Variants in SF1 observed in about 807,000 individuals in gnomAD.
SF1 encodes branch point-binding protein.
Under a neutral mutation model 62.5 loss-of-function variants are expected in SF1, and 7 were observed. The ratio of observed to expected loss-of-function variants is 0.11; its 90% CI spans 0.06 to 0.21. The LOEUF (loss-of-function observed/expected upper bound fraction) is 0.21. Ranked by LOEUF, SF1 falls within the 10% of genes least tolerant of loss-of-function variation. The pLI, the probability that SF1 is intolerant of heterozygous loss-of-function variation, is 1.00. For synonymous variants in SF1, 394 were observed against 323.6 expected (o/e 1.22, Z -2.33); for missense variants, 578 against 884.0 (o/e 0.65, Z 4.39).
At position 64,768,119 on chromosome 11, in the gene SF1, T is replaced by G; in HGVS notation, c.1055A>C (p.Asn352Thr). 1 of 1,609,490 alleles carries G rather than the reference T, an allele frequency of 6.2e-7. No homozygotes were observed. Reference sequence around the variant, plus strand: ...CCCCAGGCTCACCGGTGGAGGTGGGTTGTTGGCGGGAGCAGCAGGACGAGG... The same window carrying G: ...CCCCAGGCTCACCGGTGGAGGTGGGGTGTTGGCGGGAGCAGCAGGACGAGG... ...SAPRPAAPAN[N>T]PPPPSLMSTT... The change falls in exon 9 of 13, where the codon AAC (asparagine) becomes ACC (threonine). Residue 352 changes from asparagine to threonine, a missense_variant. Asn to Thr is a moderately conservative substitution (Grantham distance 65). This residue lies in a region of SF1 where 410 missense variants were observed against 452.4 expected (regional missense o/e 0.91). Coordinates refer to ENST00000377390, the MANE Select transcript of SF1 (RefSeq NM_004630.4).
intron 10 of SF1, 126 bp from the exon 11 acceptor site, chr11:64,767,377 T>C: frequency 9.1e-7 from 1 of 1,101,544 alleles, no homozygotes; most frequent in Non-Finnish European, 1.4e-6. Flanking sequence ...AAGGCAGGTC[T>C]GTGCTTACCC....
At position 64,770,354 on chromosome 11, in the gene SF1, T is replaced by G. The variant is rs1301079620; in HGVS notation, c.291A>C (p.Arg97=). 6.2e-7 allele frequency: 1 copy of G among 1,614,006 alleles called. No homozygotes were observed. The highest frequency in any genetic ancestry group is 8.5e-7 in the Non-Finnish European group (1 of 1,180,038). ...YNSEGKRLNT[R]EFRTRKKLEE... ...CCAGCTTTTTGCGGGTGCGGAACTC[T>G]CGGGTGTTAAGCCGCTTCCCCTCGC... The change falls in exon 4 of 13, where the codon CGA becomes CGC. Residue 97 remains arginine, a synonymous_variant. Coordinates refer to ENST00000377390, the MANE Select transcript of SF1 (RefSeq NM_004630.4).
chr11:64,768,934 G>C (rs892417088), intron 8 of SF1, 88 bp downstream of exon 8: 42 of 885,678 alleles, frequency 4.7e-5, no homozygotes, highest in Non-Finnish European at 7.5e-5. Context: ...GTTTCTCTTG[G>C]TAAGATTAAC....
At chr11:64,775,460 G>C (rs1939051866) in intron 2 of SF1, among the ~76,000 whole-genome samples, 1 of 152,150 alleles carries the variant, frequency 6.6e-6, no homozygotes, top group South Asian at 2.1e-4. Flanking sequence ...GGAACAGTAG[G>C]GGAAAGAACA....
At chr11:64,776,922 T>C (rs939712852) in intron 1 of SF1, among the ~76,000 whole-genome samples, 2 of 151,700 alleles carry the variant, frequency 1.3e-5, no homozygotes, top group Non-Finnish European at 2.9e-5. Flanking sequence ...CTGCAGAGAG[T>C]GTTAGATAGA....
chr11:64,778,135 A>T, intron 1 of SF1: 2 of 751,588 alleles, frequency 2.7e-6, no homozygotes, highest in South Asian at 6.0e-5. Context: ...GTGGCGGTGG[A>T]GGCGGCGGCG....
intron 2 of SF1, among the ~76,000 whole-genome samples, chr11:64,774,665 G>A (rs567884005): frequency 2.6e-5 from 4 of 152,118 alleles, no homozygotes; most frequent in Admixed American, 2.0e-4. Flanking sequence ...CATTATTATC[G>A]AAAGAAAATA....
intron 12 of SF1, 42 bp downstream of exon 12, chr11:64,766,858 C>A: frequency 1.6e-6 from 1 of 609,396 alleles, no homozygotes; most frequent in Non-Finnish European, 2.9e-6. Flanking sequence ...CAGCCCCACC[C>A]CCATCCCACC....
At position 64,765,656 on chromosome 11, in the gene SF1, C is replaced by G; in HGVS notation, c.*162G>C. ...ACCACCTGCCCGTTCCCAAGCGAATCCTCAGTCGCTTGGCCCAGCCCAGTG... is the reference window on the plus strand; with the variant it reads ...ACCACCTGCCCGTTCCCAAGCGAATGCTCAGTCGCTTGGCCCAGCCCAGTG... On this transcript the variant is annotated 3_prime_UTR_variant, in exon 13 of 13. Coordinates refer to ENST00000377390, the MANE Select transcript of SF1 (RefSeq NM_004630.4). The G allele has an allele frequency of 6.7e-7, 1 of 1,486,302 alleles. No homozygotes were observed. Among genetic ancestry groups the G allele is most frequent in the South Asian group, 1.4e-5 (1 of 71,858 alleles). The allele number at this position is 1,486,302 out of a possible 1,614,324, so 92.1% of individuals were successfully genotyped here.
At chr11:64,772,802 G>C (rs1938541972) in intron 3 of SF1, 1 of 983,634 alleles carries the variant, frequency 1.0e-6, no homozygotes, top group Non-Finnish European at 1.2e-6. Context: ...CTCCCTTTAA[G>C]GAAAAAAAAA....
At chr11:64,777,895 C>T (rs1939614527) in intron 1 of SF1, 2 of 936,272 alleles carry the variant, frequency 2.1e-6, no homozygotes, top group Non-Finnish European at 1.3e-6. Flanking sequence ...CGCGCCCCTG[C>T]CGCGTGCAGC....
chr11:64,773,884 A>AC (rs1423625676), intron 2 of SF1, among the ~76,000 whole-genome samples: 1 of 152,064 alleles, frequency 6.6e-6, no homozygotes, highest in African/African-American at 2.4e-5. Flanking sequence ...CCAATACCCG[A>AC]CTCCCATCAA....
At chr11:64,778,320 T>TGGGCCCG in intron 1 of SF1, 42 bp downstream of exon 1, 1 of 1,222,848 alleles carries the variant, frequency 8.2e-7, no homozygotes, top group South Asian at 4.1e-5. Context: ...AAGCCTCCTT[T>TGGGCCCG]GGGCCCGGGG....
chr11:64,766,854 C>CCCCGGG, intron 12 of SF1, 46 bp downstream of exon 12: 1 of 659,982 alleles, frequency 1.5e-6, no homozygotes. Flanking sequence ...CTGTCAGCCC[C>CCCCGGG]ACCCCCATCC....
At chr11:64,775,154 T>C (rs1198960111) in intron 2 of SF1, among the ~76,000 whole-genome samples, 3 of 152,154 alleles carry the variant, frequency 2.0e-5, no homozygotes, top group African/African-American at 7.2e-5. Context: ...TGAGTCTTCC[T>C]AGCTGACTAT....
chr11:64,768,034 G>C lies in SF1; in HGVS notation c.1068+72C>G, dbSNP rs1314054314. Reference sequence around the variant, plus strand: ...CCATTGTCTGCTCTACCCAAACCACGTGGCCATAGCTCCCAGTCTCTGCAG... The same window carrying C: ...CCATTGTCTGCTCTACCCAAACCACCTGGCCATAGCTCCCAGTCTCTGCAG... On this transcript the variant is annotated intron_variant, in intron 9 of 12. Coordinates refer to ENST00000377390, the MANE Select transcript of SF1 (RefSeq NM_004630.4). The C allele has an allele frequency of 3.3e-6, 5 of 1,519,186 alleles. No individual in the cohort carries two copies. In the Admixed American group the frequency reaches 1.1e-4, roughly 32 times the overall value. 94.1% of individuals were successfully genotyped at this position (1,519,186 alleles called of 1,614,324 possible). A position where few individuals can be genotyped will look rare whatever the true frequency, so the allele number is the denominator to read the frequency against.
chr11:64,777,862 C>T, intron 1 of SF1: 1 of 936,782 alleles, frequency 1.1e-6, no homozygotes, highest in Non-Finnish European at 1.3e-6. Context: ...GCGCCTCCGC[C>T]CGGGCCTCCC....
chr11:64,766,837 A>G (rs2058708390), intron 12 of SF1, 63 bp downstream of exon 12: 1 of 1,313,034 alleles, frequency 7.6e-7, no homozygotes, highest in Non-Finnish European at 1.0e-6. Flanking sequence ...GTGAGGCTCT[A>G]TGGTTCCTGT....
intron 1 of SF1, among the ~76,000 whole-genome samples, 192 bp from the exon 2 acceptor site, chr11:64,776,818 G>C (rs1939335364): frequency 6.6e-6 from 1 of 152,090 alleles, no homozygotes; most frequent in South Asian, 2.1e-4. Flanking sequence ...CACTACAAGG[G>C]TATGTGGTCC....
Sources: gnomAD v4.1 joint callset for allele counts (sites outside exome capture counted in the v4.1 genomes callset) on GRCh38, gnomAD v4.1.1 for gene constraint, gnomAD v4.1.1 regional missense constraint, MANE v1.5 for transcripts, NCBI Gene and HGNC (gene_info 2026-07-23, HGNC 2026-07-21) for gene names.